The following LUZP2 variants were observed in gnomAD, a reference collection of about 807,000 sequenced individuals.
LUZP2 encodes leucine zipper protein 2.
LUZP2 carries 52 observed loss-of-function variants against 51.6 expected under a neutral mutation model. That is an observed-to-expected ratio of 1.01 (90% confidence interval 0.81 to 1.27). LUZP2 has a LOEUF of 1.27. Ranked by LOEUF, LUZP2 falls within the 50% of genes most tolerant of loss-of-function variation. The pLI is 0.00. For synonymous variants in LUZP2, 154 were observed against 137.3 expected, an observed-to-expected ratio of 1.12 and a Z score of -0.85; for missense variants, 436 against 395.4, an observed-to-expected ratio of 1.10 and a Z score of -0.87.
intron 9 of LUZP2, among the ~76,000 whole-genome samples, chr11:24,987,072 A>C (rs1856208601): frequency 6.6e-6 from 1 of 151,932 alleles, no homozygotes; most frequent in Admixed American, 6.6e-5. Flanking sequence ...AACCTTAGAA[A>C]GTTGTTGAGG....
At position 24,737,346 on chromosome 11, in the gene LUZP2, T is replaced by A. The variant is rs181232696; in HGVS notation, c.252-875T>A. Reference sequence around the variant, plus strand: ...TGGCACTAGATTGGAAGTTTTAAATTAGTTTAGGTGCTGGTAAGACTCAAA... The same window carrying A: ...TGGCACTAGATTGGAAGTTTTAAATAAGTTTAGGTGCTGGTAAGACTCAAA... On this transcript the variant is annotated intron_variant, in intron 3 of 11. Transcript: ENST00000336930. Among the ~76,000 whole-genome samples, 278 of 152,158 alleles carry A rather than the reference T, an allele frequency of 1.8e-3. 9 individuals are homozygous for A. The highest frequency in any genetic ancestry group is 0.017 in the Admixed American group (264 of 15,236).
At chr11:24,718,166 C>A (rs187797597) in intron 1 of LUZP2, among the ~76,000 whole-genome samples, 2 of 152,148 alleles carry the variant, frequency 1.3e-5, no homozygotes, top group East Asian at 3.9e-4. Context: ...GTTGTGTGGC[C>A]GAACGATTGA....
intron 9 of LUZP2, among the ~76,000 whole-genome samples, chr11:24,998,462 A>G (rs866875796): frequency 2.6e-5 from 4 of 152,282 alleles, no homozygotes; most frequent in Admixed American, 6.5e-5. Context: ...ATTTTTGTAC[A>G]TTGATTTTGT....
At chr11:24,991,157 A>G (rs187861416) in intron 9 of LUZP2, among the ~76,000 whole-genome samples, 37 of 151,910 alleles carry the variant, frequency 2.4e-4, no homozygotes, top group Admixed American at 2.4e-3. Context: ...AGTCCTTTGT[A>G]TCATTCATAT....
At chr11:24,723,097 G>T (rs185017858) in intron 1 of LUZP2, among the ~76,000 whole-genome samples, 1 of 152,162 alleles carries the variant, frequency 6.6e-6, no homozygotes. Context: ...ATTTTATAAA[G>T]GATATATAAA....
chr11:24,751,761 C>T (rs767629670), intron 4 of LUZP2, among the ~76,000 whole-genome samples: 6 of 148,184 alleles, frequency 4.0e-5, no homozygotes, highest in Non-Finnish European at 5.9e-5. Flanking sequence ...TATTTGAGTA[C>T]AGAGCTACTA....
At chr11:24,902,786 AAGTT>A (rs1372581740) in intron 5 of LUZP2, among the ~76,000 whole-genome samples, 16 of 152,194 alleles carry the variant, frequency 1.1e-4, no homozygotes, top group Non-Finnish European at 1.6e-4. Context: ...TGAAGGATAA[AAGTT>A]AGTATTTGCT....
chr11:24,936,795 C>T (rs1854599636), intron 7 of LUZP2, among the ~76,000 whole-genome samples: 1 of 152,006 alleles, frequency 6.6e-6, no homozygotes. Context: ...AGTCAGAGGC[C>T]AAAATTCACA....
At position 24,997,826 on chromosome 11, in the gene LUZP2, CT is replaced by C. The variant is rs1298182713; in HGVS notation, c.765+14536del. Among the ~76,000 whole-genome samples, 2 of 152,134 alleles carry C rather than the reference CT, an allele frequency of 1.3e-5. 1 individual carries two copies. Among genetic ancestry groups the C allele is most frequent in the Non-Finnish European group, 2.9e-5 (2 of 68,032 alleles). ...GTGTAAGGAAGGGATCCAGTTTTAG[CT>C]TTCTACATATGGCTAGCCAGTTTTC... On this transcript the variant is annotated intron_variant, in intron 9 of 11. Transcript: ENST00000336930.
At chr11:24,995,435 A>G (rs1432845893) in intron 9 of LUZP2, among the ~76,000 whole-genome samples, 1 of 152,180 alleles carries the variant, frequency 6.6e-6, no homozygotes, top group African/African-American at 2.4e-5. Context: ...ATTTATGCAT[A>G]TGAAATTGAG....
At chr11:24,702,876 G>A (rs1050646293) in intron 1 of LUZP2, among the ~76,000 whole-genome samples, 2 of 152,154 alleles carry the variant, frequency 1.3e-5, no homozygotes, top group African/African-American at 4.8e-5. Context: ...CAAAGAGAAG[G>A]TAATGCCTGT....
At chr11:24,656,936 C>A (rs752552829) in intron 1 of LUZP2, among the ~76,000 whole-genome samples, 6 of 152,112 alleles carry the variant, frequency 3.9e-5, no homozygotes, top group Non-Finnish European at 7.3e-5. Flanking sequence ...AACTTTATTG[C>A]ATTTGTAAAG....
intron 1 of LUZP2, among the ~76,000 whole-genome samples, chr11:24,569,860 T>A (rs990218174): frequency 5.6e-5 from 8 of 142,982 alleles, no homozygotes; most frequent in Non-Finnish European, 9.2e-5. Context: ...TTTAAAAAAA[T>A]TTAAAATATT....
chr11:24,571,527 T>C (rs957765398), intron 1 of LUZP2, among the ~76,000 whole-genome samples: 4 of 152,098 alleles, frequency 2.6e-5, no homozygotes, highest in South Asian at 4.1e-4. Context: ...GGTTGTATTA[T>C]TAACAATTCT....
chr11:24,628,114 T>A (rs967063612), intron 1 of LUZP2, among the ~76,000 whole-genome samples: 2 of 152,064 alleles, frequency 1.3e-5, no homozygotes, highest in African/African-American at 4.8e-5. Context: ...TGGCACACTG[T>A]TTTAAGATGC....
At position 24,923,960 on chromosome 11, in the gene LUZP2, CG is replaced by C. The variant is rs1854151115; in HGVS notation, c.522+9423del. Among the ~76,000 whole-genome samples, 3 of 152,220 alleles carry C rather than the reference CG, an allele frequency of 2.0e-5. No homozygotes were observed. The South Asian group carries it at 6.2e-4, about 32-fold the overall frequency. On this transcript the variant is annotated intron_variant, in intron 7 of 11. Transcript: ENST00000336930. ...TTCACTAAGAAGGAGATGAATACCT[CG>C]TTGACTGTTATTCTACCCTCTCTTT...
chr11:24,519,518 T>C (rs1228529483), intron 1 of LUZP2, among the ~76,000 whole-genome samples: 1 of 152,206 alleles, frequency 6.6e-6, no homozygotes, highest in African/African-American at 2.4e-5. Context: ...GAAATGAAAT[T>C]GTGTGGTGAA....
chr11:25,013,282 G>A (rs1005437312), intron 9 of LUZP2, among the ~76,000 whole-genome samples: 5 of 151,976 alleles, frequency 3.3e-5, no homozygotes, highest in Admixed American at 6.6e-5. Context: ...TACACTTAAC[G>A]TAGAAAAAAT....
At chr11:24,502,090 C>T (rs1850011362) in intron 1 of LUZP2, among the ~76,000 whole-genome samples, 1 of 141,868 alleles carries the variant, frequency 7.0e-6, no homozygotes, top group South Asian at 2.1e-4. Flanking sequence ...ATTGTAAGGA[C>T]TGAATGAGTT....
Sources: gnomAD v4.1 joint callset for allele counts (sites outside exome capture counted in the v4.1 genomes callset) on GRCh38, gnomAD v4.1.1 for gene constraint, MANE v1.5 for transcripts, NCBI Gene and HGNC (gene_info 2026-07-23, HGNC 2026-07-21) for gene names.